CCL3: variants seen among roughly 807,000 people sequenced by gnomAD.
The protein encoded by CCL3 is C-C motif chemokine ligand 3.
Under a neutral mutation model 8.1 loss-of-function variants are expected in CCL3, and 6 were observed. The observed-to-expected ratio is 0.74, with a 90% CI of 0.41 to 1.46. The LOEUF is 1.46. Among genes scored for constraint, CCL3 ranks in the 40% most tolerant of loss-of-function variants. The probability of loss-of-function intolerance (pLI) is 0.02; values close to 1 mark genes in which losing one functional copy is unlikely to be tolerated. For missense variants in CCL3, 109 were observed against 117.7 expected (o/e 0.93, Z 0.34); for synonymous variants, 45 against 45.1 (o/e 1.00, Z 0.01).
Position 36,088,540 on chromosome 17 carries a change from G to A in CCL3, c.*132C>T, listed in dbSNP as rs1055562989. Reference sequence around the variant, plus strand: ...TTTAAGTTAAGAAGAGTCCCACAGTGTGGCTGTTTGGCAACAACCAGTCCA... The same window carrying A: ...TTTAAGTTAAGAAGAGTCCCACAGTATGGCTGTTTGGCAACAACCAGTCCA... On this transcript the variant is annotated 3_prime_UTR_variant, in exon 3 of 3. Coordinates refer to ENST00000613922, the MANE Select transcript of CCL3 (RefSeq NM_002983.3). The A allele has an allele frequency of 1.8e-5, 16 of 881,052 alleles. No homozygotes were observed. Among genetic ancestry groups the A allele is most frequent in the Non-Finnish European group, 1.9e-6 (1 of 526,746 alleles). The allele number at this position is 881,052 out of a possible 1,614,324, so 54.6% of individuals were successfully genotyped here. A position where few individuals can be genotyped will look rare whatever the true frequency, so the allele number is the denominator to read the frequency against.
In CCL3 at chr17:36,088,736, A is replaced by T. The variant is rs2067010260; in HGVS notation, c.215T>A (p.Val72Asp). 1 of 1,613,588 alleles carries T rather than the reference A, an allele frequency of 6.2e-7. No homozygotes were observed. Among genetic ancestry groups the T allele is most frequent in the African/African-American group, 1.3e-5 (1 of 74,830 alleles). Residue 72 changes from valine to aspartate, a missense_variant, in exon 3 of 3, where the codon GTC becomes GAC. By Grantham distance (152) the Val-to-Asp change is radical (BLOSUM62 -3). Coordinates refer to ENST00000613922, the MANE Select transcript of CCL3 (RefSeq NM_002983.3). Reference sequence around the variant, plus strand: ...CCACTCCTCACTGGGGTCAGCACAGACCTGCCGGCTTCGCTTGGTTAGGAA... The same window carrying T: ...CCACTCCTCACTGGGGTCAGCACAGTCCTGCCGGCTTCGCTTGGTTAGGAA... ...VIFLTKRSRQ[V>D]CADPSEEWVQ...
chr17:36,088,874 T>TGAAAGAGGAGCAAG, intron 2 of CCL3, 112 bp from the exon 3 acceptor site: 1 of 1,427,712 alleles, frequency 7.0e-7, no homozygotes. Flanking sequence ...GGCTTGCTCC[T>TGAAAGAGGAGCAAG]CTTTCAGGGG....
At chr17:36,089,076 T>G in intron 2 of CCL3, 107 bp downstream of exon 2, 1 of 1,422,052 alleles carries the variant, frequency 7.0e-7, no homozygotes, top group Non-Finnish European at 9.9e-7. Context: ...GTATCCCCGA[T>G]AGGCTCCTGA....
chr17:36,089,070 C>A, intron 2 of CCL3, 113 bp downstream of exon 2: 1 of 1,379,036 alleles, frequency 7.3e-7, no homozygotes, highest in Non-Finnish European at 1.0e-6. Context: ...CGTCCTGTAT[C>A]CCCGATAGGC....
In CCL3 at chr17:36,088,417, G is replaced by T. The variant is rs1063340; in HGVS notation, c.*255C>A. On this transcript the variant is annotated 3_prime_UTR_variant, in exon 3 of 3. Coordinates refer to ENST00000613922, the MANE Select transcript of CCL3 (RefSeq NM_002983.3). ...TGTCACCAGACGCGGTGTGAGGGAA[G>T]GGGGAGGGGACAGGGGAACTCTCAG... The T allele has an allele frequency of 5.9e-6, 3 of 510,710 alleles. No individual in the cohort carries two copies. The highest frequency in any genetic ancestry group is 1.9e-5 in the African/African-American group (1 of 51,722). The allele number at this position is 510,710 out of a possible 1,614,324, so 31.6% of individuals were successfully genotyped here.
Position 36,089,175 on chromosome 17 carries a change from G to A in CCL3, c.188+8C>T, listed in dbSNP as rs1370317323. 2 of 1,613,806 alleles carry A rather than the reference G, an allele frequency of 1.2e-6. No individual in the cohort carries two copies. Among genetic ancestry groups the A allele is most frequent in the East Asian group, 2.2e-5 (1 of 44,892 alleles). ...TCCATAGAGGTGAGCAGGAAGACTG[G>A]CACTTACATGACACCGGGCTTGGAG... On this transcript the variant is annotated splice_region_variant and intron_variant, in intron 2 of 2. Coordinates refer to ENST00000613922, the MANE Select transcript of CCL3 (RefSeq NM_002983.3).
intron 1 of CCL3, 178 bp downstream of exon 1, chr17:36,089,808 G>A (rs1265530184): frequency 1.2e-5 from 9 of 736,878 alleles, no homozygotes; most frequent in Admixed American, 2.0e-5. Context: ...CTGGAGACTA[G>A]GGGGCTAAGA....
chr17:36,089,016 ATG>A (rs1229827849), intron 2 of CCL3, among the ~76,000 whole-genome samples, 165 bp downstream of exon 2: 166 of 152,094 alleles, frequency 1.1e-3, no homozygotes, highest in African/African-American at 3.4e-3. Flanking sequence ...TCTGTAACAC[ATG>A]CCTCACTCCA....
At chr17:36,089,060 C>T (rs1169166317) in intron 2 of CCL3, 123 bp downstream of exon 2, 12 of 1,293,320 alleles carry the variant, frequency 9.3e-6, no homozygotes, top group South Asian at 7.2e-5. Flanking sequence ...CGGAGCCCTG[C>T]GTCCTGTATC....
rs1049199 is a variant in CCL3 at position 36,088,405 on chromosome 17, G to C, written c.*267C>G. ...CAGCCACTCGGTTGTCACCAGACGC[G>C]GTGTGAGGGAAGGGGGAGGGGACAG... On this transcript the variant is annotated 3_prime_UTR_variant, in exon 3 of 3. Transcript: ENST00000613922. 1 of 492,822 alleles carries C rather than the reference G, an allele frequency of 2.0e-6. No individual in the cohort carries two copies. Among genetic ancestry groups the C allele is most frequent in the Non-Finnish European group, 3.6e-6 (1 of 275,656 alleles). The allele number at this position is 492,822 out of a possible 1,614,324, so 30.5% of individuals were successfully genotyped here. A position where few individuals can be genotyped will look rare whatever the true frequency, so the allele number is the denominator to read the frequency against.
In CCL3 at chr17:36,090,102, G is replaced by A. The variant is rs1480575300; in HGVS notation, c.-44C>T. The A allele has an allele frequency of 6.4e-7, 1 of 1,573,110 alleles. No homozygotes were observed. ...GAATGTGGGCTCGAGTGTCAGCAGA[G>A]CCAAGAAAGGACTGACCACTGTCTG... On this transcript the variant is annotated 5_prime_UTR_variant, in exon 1 of 3. Coordinates refer to ENST00000613922, the MANE Select transcript of CCL3 (RefSeq NM_002983.3).
rs764705131 is a variant in CCL3, at chr17:36,089,253, G to T, written c.118C>A (p.Arg40=). ...GCTATGAAATTCTGTGGAATCTGCC[G>T]GGAGGTGTAGCTGAAGCAGCAGGCG... ...PTACCFSYTS[R]QIPQNFIADY... The change falls in exon 2 of 3, where the codon CGG becomes AGG. Residue 40 remains arginine, a synonymous_variant. Transcript: ENST00000613922. 24 of 1,613,906 alleles carry T rather than the reference G, an allele frequency of 1.5e-5. No individual in the cohort carries two copies. Among genetic ancestry groups the T allele is most frequent in the Non-Finnish European group, 1.9e-5 (22 of 1,179,972 alleles).
At position 36,090,059 on chromosome 17, in the gene CCL3, G is replaced by A; in HGVS notation, c.-1C>T. On this transcript the variant is annotated 5_prime_UTR_variant, in exon 1 of 3. Transcript: ENST00000613922. ...CAAGGGCAGCAGTGGAGACCTGCAT[G>A]ATTCTGAGCAGGTGACGGAATGTGG... The A allele has an allele frequency of 6.2e-7, 1 of 1,613,104 alleles. No homozygotes were observed.
At chr17:36,089,154 T>C (rs201356193) in intron 2 of CCL3, 29 bp downstream of exon 2, 8 of 1,613,280 alleles carry the variant, frequency 5.0e-6, no homozygotes, top group East Asian at 2.2e-5. Flanking sequence ...CCTACCTCCA[T>C]AGAGGTGAGC....
At chr17:36,089,541 C>G in intron 1 of CCL3, 1 of 616,502 alleles carries the variant, frequency 1.6e-6, no homozygotes, top group South Asian at 2.0e-5. Context: ...GTTCTCTTAT[C>G]TCAGTTCTCT....
At position 36,090,081 on chromosome 17, in the gene CCL3, G is replaced by T. The variant is rs745673287; in HGVS notation, c.-23C>A. The stretch of plus-strand genomic sequence containing the variant: ...CATGATTCTGAGCAGGTGACGGAAT[G>T]TGGGCTCGAGTGTCAGCAGAGCCAA... On this transcript the variant is annotated 5_prime_UTR_variant, in exon 1 of 3. Coordinates refer to ENST00000613922, the MANE Select transcript of CCL3 (RefSeq NM_002983.3). 2.5e-6 allele frequency: 4 copies of T among 1,607,592 alleles called. No individual in the cohort carries two copies. In the Admixed American group the frequency reaches 5.0e-5, roughly 20 times the overall value.
At position 36,089,252 on chromosome 17, in the gene CCL3, C is replaced by T. The variant is rs759069505; in HGVS notation, c.119G>A (p.Arg40Gln). Residue 40 changes from arginine (R) to glutamine (Q), a missense_variant, in exon 2 of 3, where the codon CGG becomes CAG. Coordinates refer to ENST00000613922, the MANE Select transcript of CCL3 (RefSeq NM_002983.3). Reference protein sequence around the residue: ...PTACCFSYTSRQIPQNFIADY... With the variant: ...PTACCFSYTSQQIPQNFIADY... ...AGCTATGAAATTCTGTGGAATCTGC[C>T]GGGAGGTGTAGCTGAAGCAGCAGGC... The T allele has an allele frequency of 6.2e-6, 10 of 1,613,982 alleles. No homozygotes were observed. Among genetic ancestry groups the T allele is most frequent in the East Asian group, 4.5e-5 (2 of 44,880 alleles).
In CCL3 at chr17:36,088,559, C is replaced by A; in HGVS notation, c.*113G>T. 8.9e-7 allele frequency: 1 copy of A among 1,121,966 alleles called. No individual in the cohort carries two copies. The allele number at this position is 1,121,966 out of a possible 1,614,324, so 69.5% of individuals were successfully genotyped here. On this transcript the variant is annotated 3_prime_UTR_variant, in exon 3 of 3. Transcript: ENST00000613922. Reference sequence around the variant, plus strand: ...CACAGTGTGGCTGTTTGGCAACAACCAGTCCATAGAAGAGGTAGCTGTGGA... The same window carrying A: ...CACAGTGTGGCTGTTTGGCAACAACAAGTCCATAGAAGAGGTAGCTGTGGA...
At chr17:36,088,794 G>A (rs748516138) in intron 2 of CCL3, 32 bp from the exon 3 acceptor site, 3 of 1,612,720 alleles carry the variant, frequency 1.9e-6, no homozygotes, top group Admixed American at 1.7e-5. Context: ...TTAAGCACTG[G>A]GGAATCCAGC....
Sources: gnomAD v4.1 joint callset for allele counts (sites outside exome capture counted in the v4.1 genomes callset) on GRCh38, gnomAD v4.1.1 for gene constraint, MANE v1.5 for transcripts, NCBI Gene and HGNC (gene_info 2026-07-23, HGNC 2026-07-21) for gene names.